The following SULF1 variants were observed in gnomAD, a reference collection of about 807,000 sequenced individuals.
The protein encoded by SULF1 is extracellular sulfatase Sulf-1.
In SULF1, 46 loss-of-function variants were observed where a neutral mutation model predicts 110.5. The ratio of observed to expected loss-of-function variants is 0.42; its 90% CI spans 0.33 to 0.53. The LOEUF is 0.53. SULF1 is among the 20% of genes least tolerant of loss of function. SULF1 has a pLI of 0.12. For synonymous variants in SULF1, 371 were observed against 387.1 expected, an observed-to-expected ratio of 0.96 and a Z score of 0.49; for missense variants, 941 against 1,094.2, an observed-to-expected ratio of 0.86 and a Z score of 1.98.
At chr8:69,600,287 G>A (rs1489374764) in intron 8 of SULF1, among the ~76,000 whole-genome samples, 1 of 151,818 alleles carries the variant, frequency 6.6e-6, no homozygotes, top group African/African-American at 2.4e-5. Flanking sequence ...CTGTAGATTT[G>A]TAACATAACC....
chr8:69,500,971 G>A lies in SULF1; in HGVS notation c.-228-903G>A, dbSNP rs1250249114. Among the ~76,000 whole-genome samples the A allele has an allele frequency of 2.0e-5, 3 of 152,056 alleles. No homozygotes were observed. The East Asian group carries it at 5.8e-4, about 29-fold the overall frequency. On this transcript the variant is annotated intron_variant, in intron 2 of 22. Coordinates refer to ENST00000402687, the MANE Select transcript of SULF1 (RefSeq NM_001128205.2). ...AAGGACCTGGGGCTTAACCTGACTC[G>A]CCAAGGCCAGCTCAGGATAAAAAGA...
At chr8:69,591,779 T>C (rs531515967) in intron 8 of SULF1, among the ~76,000 whole-genome samples, 16 of 152,286 alleles carry the variant, frequency 1.1e-4, no homozygotes, top group Non-Finnish European at 2.1e-4. Context: ...AAACCTAGCT[T>C]GCCACCAGTT....
At chr8:69,513,061 A>G (rs1811684587) in intron 3 of SULF1, among the ~76,000 whole-genome samples, 1 of 152,120 alleles carries the variant, frequency 6.6e-6, no homozygotes, top group African/African-American at 2.4e-5. Context: ...GTGTTTTTAG[A>G]CTAGGATATT....
At chr8:69,577,519 C>T (rs957247922) in intron 6 of SULF1, among the ~76,000 whole-genome samples, 1 of 152,160 alleles carries the variant, frequency 6.6e-6, no homozygotes, top group African/African-American at 2.4e-5. Flanking sequence ...CCCAGGTTCC[C>T]TAGTAGCAAA....
intron 3 of SULF1, among the ~76,000 whole-genome samples, chr8:69,514,388 G>A (rs922527665): frequency 1.3e-5 from 2 of 152,024 alleles, no homozygotes; most frequent in Admixed American, 1.3e-4. Context: ...AGATCTCATG[G>A]GAACTCACTC....
chr8:69,582,457 G>C (rs1806141172), intron 6 of SULF1, among the ~76,000 whole-genome samples: 1 of 152,136 alleles, frequency 6.6e-6, no homozygotes, highest in Non-Finnish European at 1.5e-5. Flanking sequence ...TTTGTGCCAG[G>C]CACTGTTTTC....
intron 22 of SULF1, among the ~76,000 whole-genome samples, chr8:69,658,056 T>C (rs935182550): frequency 1.3e-5 from 2 of 152,240 alleles, no homozygotes; most frequent in Non-Finnish European, 2.9e-5. Flanking sequence ...AAGCATTGCC[T>C]ATTACATTCA....
intron 1 of SULF1, among the ~76,000 whole-genome samples, chr8:69,493,451 AC>A (rs1810080106): frequency 7.0e-5 from 1 of 14,312 alleles, no homozygotes; most frequent in African/African-American, 5.7e-4. Flanking sequence ...ACAACACTAC[AC>A]ACACACACAC....
At chr8:69,503,946 C>A (rs575177502) in intron 3 of SULF1, among the ~76,000 whole-genome samples, 6 of 151,990 alleles carry the variant, frequency 3.9e-5, no homozygotes, top group Non-Finnish European at 8.8e-5. Flanking sequence ...ACTACAGACA[C>A]GTGCCACCAC....
intron 13 of SULF1, among the ~76,000 whole-genome samples, chr8:69,614,784 G>A (rs1487810455): frequency 6.6e-6 from 1 of 152,214 alleles, no homozygotes; most frequent in Non-Finnish European, 1.5e-5. Context: ...AGTTGGAAAG[G>A]CTGAAAGAAA....
intron 1 of SULF1, among the ~76,000 whole-genome samples, chr8:69,487,011 T>C (rs1482095505): frequency 6.6e-6 from 1 of 152,236 alleles, no homozygotes; most frequent in African/African-American, 2.4e-5. Context: ...CAAATAAATA[T>C]GTTATCTTTT....
chr8:69,637,744 G>C (rs1344572092), intron 19 of SULF1: 1 of 152,414 alleles, frequency 6.6e-6, no homozygotes, highest in African/African-American at 2.4e-5. Context: ...AGGAGTTCTA[G>C]TCCAGCCTGG....
chr8:69,605,115 TC>T (rs1808138241), intron 13 of SULF1, among the ~76,000 whole-genome samples, 183 bp downstream of exon 13: 1 of 152,206 alleles, frequency 6.6e-6, no homozygotes, highest in Non-Finnish European at 1.5e-5. Context: ...AGGCTGGGCC[TC>T]CCCATTACTA....
chr8:69,509,697 T>A (rs913993280), intron 3 of SULF1, among the ~76,000 whole-genome samples: 1 of 152,218 alleles, frequency 6.6e-6, no homozygotes, highest in African/African-American at 2.4e-5. Flanking sequence ...CTCTGCTCAC[T>A]GTCCATACGT....
intron 3 of SULF1, among the ~76,000 whole-genome samples, chr8:69,543,630 G>A (rs1480300403): frequency 6.6e-6 from 1 of 152,128 alleles, no homozygotes; most frequent in Admixed American, 6.5e-5. Flanking sequence ...TCACTGATGG[G>A]CATTTGGGTT....
intron 3 of SULF1, among the ~76,000 whole-genome samples, chr8:69,555,651 A>C (rs1234255636): frequency 2.1e-5 from 3 of 142,826 alleles, no homozygotes; most frequent in African/African-American, 8.1e-5. Context: ...GCAAGACTCC[A>C]TCTCAAAAAA....
chr8:69,631,649 T>G (rs916603053), intron 19 of SULF1, among the ~76,000 whole-genome samples: 1 of 152,272 alleles, frequency 6.6e-6, no homozygotes, highest in Non-Finnish European at 1.5e-5. Context: ...TGCCTCCTGT[T>G]CTTGCCTGCT....
intron 8 of SULF1, among the ~76,000 whole-genome samples, chr8:69,597,821 C>G (rs562046539): frequency 1.5e-3 from 224 of 152,140 alleles, no homozygotes; most frequent in African/African-American, 5.0e-3. Context: ...ATAAAGAAAC[C>G]CTGTGTAATC....
intron 3 of SULF1, among the ~76,000 whole-genome samples, chr8:69,517,751 A>T (rs1487116106): frequency 6.6e-6 from 1 of 152,146 alleles, no homozygotes; most frequent in Non-Finnish European, 1.5e-5. Flanking sequence ...GCAAAGAGGA[A>T]ATAGAAAACA....
Sources: gnomAD v4.1 joint callset for allele counts (sites outside exome capture counted in the v4.1 genomes callset) on GRCh38, gnomAD v4.1.1 for gene constraint, MANE v1.5 for transcripts, NCBI Gene and HGNC (gene_info 2026-07-23, HGNC 2026-07-21) for gene names.